The following PLPP3 variants were observed in gnomAD, a reference collection of about 807,000 sequenced individuals.
The protein encoded by PLPP3 is PAP2 beta.
PLPP3 carries 6 observed loss-of-function variants against 29.6 expected under a neutral mutation model. That is an observed-to-expected ratio of 0.20 (90% CI 0.11 to 0.40). The LOEUF (loss-of-function observed/expected upper bound fraction) is 0.40, where lower values mean the gene tolerates loss of function less well. PLPP3 is among the 10% of genes least tolerant of loss of function. PLPP3 has a pLI of 1.00. For missense variants in PLPP3, 308 were observed against 407.7 expected, an observed-to-expected ratio of 0.76 and a Z score of 2.11; for synonymous variants, 152 against 159.7, an observed-to-expected ratio of 0.95 and a Z score of 0.36.
chr1:56,545,185 A>G (rs1645996791), intron 1 of PLPP3, among the ~76,000 whole-genome samples: 1 of 152,246 alleles, frequency 6.6e-6, no homozygotes, highest in South Asian at 2.1e-4. Context: ...CTTTGGAGTC[A>G]GGCAGACAAG....
At chr1:56,545,643 T>C (rs1646000780) in intron 1 of PLPP3, among the ~76,000 whole-genome samples, 1 of 152,198 alleles carries the variant, frequency 6.6e-6, no homozygotes, top group African/African-American at 2.4e-5. Flanking sequence ...GATCACATGA[T>C]GCTGTATCGG....
intron 5 of PLPP3, among the ~76,000 whole-genome samples, chr1:56,501,600 A>C (rs1645668718): frequency 6.6e-6 from 1 of 152,112 alleles, no homozygotes; most frequent in Admixed American, 6.5e-5. Flanking sequence ...CCTCCTCCTG[A>C]GTCAAAAGGA....
At chr1:56,549,899 G>A (rs535466572) in intron 1 of PLPP3, among the ~76,000 whole-genome samples, 51 of 152,308 alleles carry the variant, frequency 3.3e-4, no homozygotes, top group African/African-American at 1.1e-3. Flanking sequence ...ATTAGCTACC[G>A]CTAGACACTT....
chr1:56,566,025 C>T (rs182861218), intron 1 of PLPP3, among the ~76,000 whole-genome samples: 1 of 152,328 alleles, frequency 6.6e-6, no homozygotes, highest in East Asian at 1.9e-4. Context: ...ACAAACACAG[C>T]ATGCTGATAC....
intron 1 of PLPP3, among the ~76,000 whole-genome samples, chr1:56,557,843 C>G (rs757501020): frequency 1.3e-5 from 2 of 152,164 alleles, no homozygotes; most frequent in Non-Finnish European, 2.9e-5. Flanking sequence ...ATCTCATAGT[C>G]CTTCTTCTCT....
intron 1 of PLPP3, among the ~76,000 whole-genome samples, chr1:56,548,043 A>G (rs1318247371): frequency 6.6e-6 from 1 of 152,188 alleles, no homozygotes; most frequent in Non-Finnish European, 1.5e-5. Context: ...CATGATGCCA[A>G]TCAACTGGCT....
intron 1 of PLPP3, among the ~76,000 whole-genome samples, chr1:56,561,526 C>A (rs1311391243): frequency 6.6e-6 from 1 of 152,078 alleles, no homozygotes; most frequent in African/African-American, 2.4e-5. Context: ...AAAAGATAAA[C>A]TGTACCAGTG....
chr1:56,578,403 C>A (rs995267667), intron 1 of PLPP3, among the ~76,000 whole-genome samples: 1 of 152,136 alleles, frequency 6.6e-6, no homozygotes, highest in African/African-American at 2.4e-5. Flanking sequence ...GCAGCAAAGG[C>A]GGAAGGGCTG....
At chr1:56,559,895 G>A (rs1416224608) in intron 1 of PLPP3, among the ~76,000 whole-genome samples, 1 of 152,116 alleles carries the variant, frequency 6.6e-6, no homozygotes, top group Admixed American at 6.6e-5. Context: ...TCTAAAGGAT[G>A]GTCACTGGTA....
chr1:56,518,907 A>C (rs1334051439), intron 4 of PLPP3, among the ~76,000 whole-genome samples: 1 of 151,920 alleles, frequency 6.6e-6, no homozygotes, highest in African/African-American at 2.4e-5. Flanking sequence ...AGTATGTCAG[A>C]TGGTGAGACG....
intron 1 of PLPP3, among the ~76,000 whole-genome samples, chr1:56,549,006 A>T (rs1257578681): frequency 6.6e-6 from 1 of 152,208 alleles, no homozygotes; most frequent in African/African-American, 2.4e-5. Flanking sequence ...AAGGAAAAAA[A>T]TTAGAAAAGT....
chr1:56,569,885 C>T (rs1057113965), intron 1 of PLPP3, among the ~76,000 whole-genome samples: 1 of 152,190 alleles, frequency 6.6e-6, no homozygotes, highest in South Asian at 2.1e-4. Flanking sequence ...AATACCTTCT[C>T]CCCCTTCCTG....
At chr1:56,539,482 T>G (rs1399439968) in intron 1 of PLPP3, among the ~76,000 whole-genome samples, 1 of 152,242 alleles carries the variant, frequency 6.6e-6, no homozygotes, top group African/African-American at 2.4e-5. Context: ...ATTTATTTTG[T>G]GACCCCTAAC....
chr1:56,502,921 G>A (rs1308622705), intron 5 of PLPP3, among the ~76,000 whole-genome samples: 1 of 152,092 alleles, frequency 6.6e-6, no homozygotes, highest in African/African-American at 2.4e-5. Context: ...CATGTGATTT[G>A]GCCCTGGGAT....
intron 5 of PLPP3, among the ~76,000 whole-genome samples, chr1:56,507,472 T>C (rs916290447): frequency 1.2e-4 from 19 of 152,240 alleles, no homozygotes; most frequent in Admixed American, 1.2e-3. Flanking sequence ...GGTTAAGCCA[T>C]GGATTCTGCT....
chr1:56,550,078 A>G (rs1646028234), intron 1 of PLPP3, among the ~76,000 whole-genome samples: 1 of 152,138 alleles, frequency 6.6e-6, no homozygotes, highest in Non-Finnish European at 1.5e-5. Context: ...TGGAACTGTG[A>G]AGCCACCAGA....
chr1:56,511,425 C>T (rs927491168), intron 5 of PLPP3, among the ~76,000 whole-genome samples: 27 of 152,156 alleles, frequency 1.8e-4, no homozygotes, highest in Non-Finnish European at 3.7e-4. Context: ...ATAACCTCCT[C>T]TTCTCCAATG....
chr1:56,553,347 G>A (rs1457042527), intron 1 of PLPP3, among the ~76,000 whole-genome samples: 2 of 152,188 alleles, frequency 1.3e-5, no homozygotes, highest in Non-Finnish European at 2.9e-5. Flanking sequence ...CACCCTGCCA[G>A]CCAGACATGT....
At chr1:56,549,094 T>C (rs1646022960) in intron 1 of PLPP3, among the ~76,000 whole-genome samples, 1 of 152,190 alleles carries the variant, frequency 6.6e-6, no homozygotes, top group Admixed American at 6.5e-5. Flanking sequence ...GAACTGGCAG[T>C]GAAAGATGTT....
Sources: allele counts gnomAD v4.1 joint callset (sites outside exome capture counted in the v4.1 genomes callset), GRCh38; gene constraint gnomAD v4.1.1; transcripts MANE v1.5; gene names NCBI Gene and HGNC (gene_info 2026-07-23, HGNC 2026-07-21).